The following SERPINF2 variants were observed in gnomAD, a reference collection of about 807,000 sequenced individuals.
SERPINF2 encodes the protein serpin family F member 2, also known as alpha-2-antiplasmin.
SERPINF2 carries 15 observed loss-of-function variants against 45.0 expected under a neutral mutation model. The observed-to-expected ratio is 0.33, with a 90% CI of 0.22 to 0.51. The LOEUF (loss-of-function observed/expected upper bound fraction) is 0.51. SERPINF2 is among the 20% of genes least tolerant of loss of function. The probability of loss-of-function intolerance (pLI) is 0.97; values close to 1 mark genes in which losing one functional copy is unlikely to be tolerated. For missense variants in SERPINF2, 518 were observed against 637.4 expected, an observed-to-expected ratio of 0.81 and a Z score of 2.02; for synonymous variants, 283 against 277.9, an observed-to-expected ratio of 1.02 and a Z score of -0.18.
intron 1 of SERPINF2, among the ~76,000 whole-genome samples, chr17:1,744,420 G>A (rs1905601114): frequency 6.6e-6 from 1 of 152,088 alleles, no homozygotes; most frequent in African/African-American, 2.4e-5. Flanking sequence ...TTGAACCTGG[G>A]AGGTGGAGGT....
At chr17:1,752,555 T>C in intron 8 of SERPINF2, 31 bp from the exon 9 acceptor site, 1 of 1,608,042 alleles carries the variant, frequency 6.2e-7, no homozygotes, top group Admixed American at 1.7e-5. Flanking sequence ...GGGCTTTCTG[T>C]CCTCATGCTC....
intron 1 of SERPINF2, 122 bp from the exon 2 acceptor site, chr17:1,744,870 C>T: frequency 1.3e-6 from 2 of 1,565,608 alleles, no homozygotes; most frequent in Non-Finnish European, 8.6e-7. Context: ...GATTCTGGAG[C>T]CTGCTTCTTC....
At position 1,753,202 on chromosome 17, in the gene SERPINF2, C is replaced by T. The variant is rs188096275; in HGVS notation, c.1063+412C>T. ...GGTGGATTGCTTGAGCCCGGGAGTCCGACACCAGCCTGTGCAACACATTGA... is the reference window on the plus strand; with the variant it reads ...GGTGGATTGCTTGAGCCCGGGAGTCTGACACCAGCCTGTGCAACACATTGA... On this transcript the variant is annotated intron_variant, in intron 9 of 9. Coordinates refer to ENST00000453066, the MANE Select transcript of SERPINF2 (RefSeq NM_000934.4). Among the ~76,000 whole-genome samples, 710 of 152,206 alleles carry T rather than the reference C, an allele frequency of 4.7e-3. 7 individuals are homozygous for T. The highest frequency in any genetic ancestry group is 7.8e-3 in the African/African-American group (325 of 41,510).
At chr17:1,753,971 T>G in intron 9 of SERPINF2, 151 bp from the exon 10 acceptor site, 1 of 862,398 alleles carries the variant, frequency 1.2e-6, no homozygotes. Context: ...AGGTGGTGTT[T>G]AAGCTGAGTC....
chr17:1,747,609 G>T, intron 7 of SERPINF2, 97 bp downstream of exon 7: 2 of 1,371,566 alleles, frequency 1.5e-6, no homozygotes, highest in Non-Finnish European at 1.0e-6. Context: ...CTGTCACCCA[G>T]GGTGGAGCGC....
In SERPINF2 at chr17:1,743,718, A is replaced by AG. The variant is rs1363518560; in HGVS notation, c.-5+810_-5+811insG. Among the ~76,000 whole-genome samples the AG allele has an allele frequency of 2.9e-5, 4 of 136,198 alleles. No individual in the cohort carries two copies. In the South Asian group the frequency reaches 6.4e-4, roughly 22 times the overall value. 89.4% of individuals were successfully genotyped at this position (136,198 alleles called of 152,430 possible). ...TGATAAGAATGAAACTCCATCTCAA[A>AG]AAAAAAAAAAAAAAAAAAAAAGACA... is the stretch of plus-strand genomic sequence containing the variant. On this transcript the variant is annotated intron_variant, in intron 1 of 9. Transcript: ENST00000453066.
Position 1,748,741 on chromosome 17 carries a change from G to A in SERPINF2, c.858+1G>A. On this transcript the variant is annotated splice_donor_variant, in intron 8 of 9. Transcript: ENST00000453066. LOFTEE classifies it high-confidence loss of function. The stretch of plus-strand genomic sequence containing the variant: ...CTTGCTGGAGCAGCCTGAGATCCAG[G>A]TCACCCTTGGTTGTCCAGCAGGCTG... The A allele has an allele frequency of 7.2e-7, 1 of 1,397,838 alleles. No individual in the cohort carries two copies. Among genetic ancestry groups the A allele is most frequent in the Non-Finnish European group, 1.0e-6 (1 of 983,516 alleles). 86.6% of individuals were successfully genotyped at this position (1,397,838 alleles called of 1,614,324 possible).
rs139885061 is a variant in SERPINF2 at position 1,745,347 on chromosome 17, G to T, written c.117G>T (p.Pro39=). ...CCTTTCCGCAGCTAACTAGCGGGCC[G>T]AACCAGGAGCAGGTGTCCCCACTTA... ...EPLGRQLTSG[P]NQEQVSPLTL... is the part of the protein sequence containing the mutation. The change falls in exon 4 of 10, where the codon CCG becomes CCT. Residue 39 remains proline, a synonymous_variant. Coordinates refer to ENST00000453066, the MANE Select transcript of SERPINF2 (RefSeq NM_000934.4). This position sits in a 1 kb window ranked among gnomAD's most constrained non-coding sequence, Gnocchi z 6.2. 23 of 1,612,744 alleles carry T rather than the reference G, an allele frequency of 1.4e-5. No individual in the cohort carries two copies. Among genetic ancestry groups the T allele is most frequent in the Non-Finnish European group, 1.8e-5 (21 of 1,179,888 alleles).
chr17:1,746,018 T>G, intron 5 of SERPINF2, 109 bp downstream of exon 5: 1 of 1,225,126 alleles, frequency 8.2e-7, no homozygotes, highest in South Asian at 1.2e-5. Context: ...CGTGGCTGTT[T>G]GGTAAAAATG....
chr17:1,754,527 C>G lies in SERPINF2; in HGVS notation c.1469C>G (p.Pro490Arg). Residue 490 changes from proline to arginine, a missense_variant, in exon 10 of 10, where the codon CCC becomes CGC. Physicochemically the swap from Pro to Arg is moderately radical, Grantham distance 103. Coordinates refer to ENST00000453066, the MANE Select transcript of SERPINF2 (RefSeq NM_000934.4). The stretch of plus-strand genomic sequence containing the variant: ...GAGGATTACCCCCAGTTTGGCAGCC[C>G]CAAGTGAGGGGCCGTGGCTGTGGCA... ...MEEDYPQFGS[P>R]K The G allele has an allele frequency of 1.2e-6, 2 of 1,609,030 alleles. No homozygotes were observed. Among genetic ancestry groups the G allele is most frequent in the South Asian group, 2.2e-5 (2 of 90,836 alleles).
intron 7 of SERPINF2, 87 bp from the exon 8 acceptor site, chr17:1,748,511 C>T (rs1414505586): frequency 6.4e-7 from 1 of 1,564,746 alleles, no homozygotes; most frequent in Non-Finnish European, 8.7e-7. Context: ...GGTGCAGAGC[C>T]CAAGCTGGTC....
intron 9 of SERPINF2, among the ~76,000 whole-genome samples, 160 bp from the exon 10 acceptor site, chr17:1,753,962 G>C (rs1906612660): frequency 6.6e-6 from 1 of 152,214 alleles, no homozygotes; most frequent in South Asian, 2.1e-4. Context: ...TCCTGGAGGA[G>C]GTGGTGTTTA....
At chr17:1,753,555 G>A (rs981037285) in intron 9 of SERPINF2, among the ~76,000 whole-genome samples, 1 of 152,126 alleles carries the variant, frequency 6.6e-6, no homozygotes, top group South Asian at 2.1e-4. Context: ...GCGTGGTGGC[G>A]CATGCCCATA....
chr17:1,742,886 G>T lies in SERPINF2; in HGVS notation c.-27G>T, dbSNP rs1043244800. On this transcript the variant is annotated 5_prime_UTR_variant, in exon 1 of 10. Coordinates refer to ENST00000453066, the MANE Select transcript of SERPINF2 (RefSeq NM_000934.4). Reference sequence around the variant, plus strand: ...AAGTGGGGCCAGAGGAACGTTGTGTGTGGCAGCAAGGAGCCCGCAGAGGTA... The same window carrying T: ...AAGTGGGGCCAGAGGAACGTTGTGTTTGGCAGCAAGGAGCCCGCAGAGGTA... 2.0e-6 allele frequency: 2 copies of T among 985,292 alleles called. No individual in the cohort carries two copies. The highest frequency in any genetic ancestry group is 3.5e-5 in the African/African-American group (2 of 57,136). The allele number at this position is 985,292 out of a possible 1,614,324, so 61.0% of individuals were successfully genotyped here.
rs893956820 is a variant in SERPINF2, at chr17:1,752,807, G to A, written c.1063+17G>A. The A allele has an allele frequency of 6.9e-6, 11 of 1,589,732 alleles. No homozygotes were observed. The highest frequency in any genetic ancestry group is 9.4e-6 in the Non-Finnish European group (11 of 1,167,942). ...GCCAGCTGGGTAAGGAGGAGGGTGC[G>A]GGCGAGCCCCCGAGGTCAGGCTGGG... On this transcript the variant is annotated intron_variant, in intron 9 of 9. Coordinates refer to ENST00000453066, the MANE Select transcript of SERPINF2 (RefSeq NM_000934.4).
Position 1,745,878 on chromosome 17 carries a change from T to C in SERPINF2, c.336T>C (p.Ser112=). The change falls in exon 5 of 10, where the codon AGT becomes AGC. Residue 112 remains serine (S), a synonymous_variant. Coordinates refer to ENST00000453066, the MANE Select transcript of SERPINF2 (RefSeq NM_000934.4). The surrounding 1 kb of genome is among the most constrained non-coding windows in gnomAD (Gnocchi z 6.2). ...CCAACCTCATCCTGTCACCCCTGAG[T>C]GTGGCCCTGGCGCTGTCTCACCTGG... The part of the protein sequence containing the change: ...TCPNLILSPL[S]VALALSHLAL... The C allele has an allele frequency of 6.2e-7, 1 of 1,614,048 alleles. No individual in the cohort carries two copies. Among genetic ancestry groups the C allele is most frequent in the Non-Finnish European group, 8.5e-7 (1 of 1,180,028 alleles).
Position 1,752,809 on chromosome 17 carries a change from G to C in SERPINF2, c.1063+19G>C. Reference sequence around the variant, plus strand: ...CAGCTGGGTAAGGAGGAGGGTGCGGGCGAGCCCCCGAGGTCAGGCTGGGCA... The same window carrying C: ...CAGCTGGGTAAGGAGGAGGGTGCGGCCGAGCCCCCGAGGTCAGGCTGGGCA... On this transcript the variant is annotated intron_variant, in intron 9 of 9. Transcript: ENST00000453066. The C allele has an allele frequency of 6.3e-7, 1 of 1,586,556 alleles. No homozygotes were observed.
At chr17:1,748,778 G>T (rs779340927) in intron 8 of SERPINF2, 38 bp downstream of exon 8, 2 of 1,060,514 alleles carry the variant, frequency 1.9e-6, no homozygotes. Flanking sequence ...GCCTGAGGCT[G>T]GGAGGTGGGG....
In SERPINF2 at chr17:1,745,332, G is replaced by A; in HGVS notation, c.103-1G>A. On this transcript the variant is annotated splice_acceptor_variant, in intron 3 of 9. Coordinates refer to ENST00000453066, the MANE Select transcript of SERPINF2 (RefSeq NM_000934.4). LOFTEE classifies it high-confidence loss of function. The surrounding 1 kb of genome is among the most constrained non-coding windows in gnomAD (Gnocchi z 6.2). ...CTCCATCTGCTTGCTCCTTTCCGCA[G>A]CTAACTAGCGGGCCGAACCAGGAGC... 6.2e-7 allele frequency: 1 copy of A among 1,613,372 alleles called. No individual in the cohort carries two copies.
Sources: allele counts gnomAD v4.1 joint callset (sites outside exome capture counted in the v4.1 genomes callset), GRCh38; gene constraint gnomAD v4.1.1; non-coding constraint Gnocchi (gnomAD v3.1); transcripts MANE v1.5; gene names NCBI Gene and HGNC (gene_info 2026-07-23, HGNC 2026-07-21).